Variants in CNTN5 observed in about 807,000 individuals in gnomAD.
The protein encoded by CNTN5 is contactin 5.
CNTN5 carries 77 observed loss-of-function variants against 129.1 expected under a neutral mutation model. The ratio of observed to expected loss-of-function variants is 0.60; its 90% CI spans 0.50 to 0.72. CNTN5 has a LOEUF of 0.72. Among genes scored for constraint, CNTN5 ranks in the 30% least tolerant of loss-of-function variants. The pLI is 0.00. For missense variants in CNTN5, 1,478 were observed against 1,328.8 expected (o/e 1.11, Z -1.75); for synonymous variants, 509 against 465.6 (o/e 1.09, Z -1.20).
rs190422203 is a variant in CNTN5 at position 99,880,420 on chromosome 11, T to A, written c.577+35158T>A. On this transcript the variant is annotated intron_variant, in intron 6 of 24. Transcript: ENST00000524871. ...ACAAATATGAAAGAGAATAACTGTT[T>A]CTACTCCATTCATTTTTTTTCACTC... 4.6e-3 allele frequency among the ~76,000 whole-genome samples: 696 copies of A among 152,284 alleles called. 2 individuals carry two copies. The highest frequency in any genetic ancestry group is 5.4e-3 in the Admixed American group (83 of 15,298).
intron 1 of CNTN5, among the ~76,000 whole-genome samples, chr11:99,176,748 T>C (rs1857794067): frequency 6.6e-6 from 1 of 152,196 alleles, no homozygotes; most frequent in African/African-American, 2.4e-5. Context: ...CTTCTCTGTA[T>C]CTTTGCAATA....
intron 1 of CNTN5, among the ~76,000 whole-genome samples, chr11:99,303,811 C>T (rs1864750379): frequency 1.3e-5 from 2 of 152,100 alleles, no homozygotes; most frequent in Non-Finnish European, 2.9e-5. Flanking sequence ...ACAGGGCTGT[C>T]AGTACTTATG....
chr11:100,104,582 T>C (rs1425331855), intron 13 of CNTN5, among the ~76,000 whole-genome samples: 1 of 152,126 alleles, frequency 6.6e-6, no homozygotes, highest in Non-Finnish European at 1.5e-5. Context: ...TAATAAAATA[T>C]TAACAAAAGT....
chr11:99,319,921 T>C (rs549127699), intron 1 of CNTN5, among the ~76,000 whole-genome samples: 2 of 152,136 alleles, frequency 1.3e-5, no homozygotes, highest in South Asian at 2.1e-4. Flanking sequence ...ATAAACATGA[T>C]TTGATAAATA....
At chr11:99,792,369 T>G (rs977184987) in intron 3 of CNTN5, among the ~76,000 whole-genome samples, 2 of 152,182 alleles carry the variant, frequency 1.3e-5, no homozygotes, top group African/African-American at 4.8e-5. Context: ...TTTTTGTTTT[T>G]AGTTCCTTTT....
chr11:99,601,269 A>C (rs1317202678), intron 3 of CNTN5, among the ~76,000 whole-genome samples: 1 of 152,142 alleles, frequency 6.6e-6, no homozygotes, highest in Non-Finnish European at 1.5e-5. Flanking sequence ...TAACCTCAAA[A>C]AATATAGTCC....
chr11:99,752,741 A>T (rs1378024378), intron 3 of CNTN5, among the ~76,000 whole-genome samples: 1 of 152,168 alleles, frequency 6.6e-6, no homozygotes, highest in Admixed American at 6.5e-5. Flanking sequence ...ATGGTATTAT[A>T]AAACAATTGC....
At position 100,193,627 on chromosome 11, in the gene CNTN5, C is replaced by T. The variant is rs778265126; in HGVS notation, c.1848C>T (p.Phe616=). ...YWTLKGQPID[F]EEEGGHFESI... is the part of the protein sequence containing the mutation. ...CTCTGAAAGGACAGCCTATTGATTTCGAGGAAGAGGGTGGACATTTTGAAA... is the reference window on the plus strand; with the variant it reads ...CTCTGAAAGGACAGCCTATTGATTTTGAGGAAGAGGGTGGACATTTTGAAA... Residue 616 remains phenylalanine (F), a synonymous_variant, in exon 15 of 25, where the codon TTC becomes TTT. Transcript: ENST00000524871. The T allele has an allele frequency of 5.1e-5, 82 of 1,611,500 alleles. No individual in the cohort carries two copies. The East Asian group carries it at 9.8e-4, about 19-fold the overall frequency.
At chr11:99,620,971 T>C (rs1950930439) in intron 3 of CNTN5, among the ~76,000 whole-genome samples, 1 of 124,818 alleles carries the variant, frequency 8.0e-6, no homozygotes, top group Non-Finnish European at 1.8e-5. Context: ...TGGATACTTG[T>C]ATGCCTATTT....
At chr11:100,204,226 C>T (rs1009019164) in intron 15 of CNTN5, among the ~76,000 whole-genome samples, 5 of 136,748 alleles carry the variant, frequency 3.7e-5, no homozygotes, top group African/African-American at 1.3e-4. Context: ...TTAAAGGAAT[C>T]AGTAGACATA....
At chr11:100,021,598 A>C (rs1168144313) in intron 9 of CNTN5, among the ~76,000 whole-genome samples, 1 of 152,208 alleles carries the variant, frequency 6.6e-6, no homozygotes, top group Non-Finnish European at 1.5e-5. Flanking sequence ...TTGCTCTAAA[A>C]TCAACTTTGT....
intron 13 of CNTN5, among the ~76,000 whole-genome samples, chr11:100,129,924 TA>T (rs201574871): frequency 2.5e-4 from 38 of 151,930 alleles, no homozygotes; most frequent in Non-Finnish European, 4.7e-4. Flanking sequence ...TTAGTCGTGG[TA>T]AAAAAAATCA....
intron 15 of CNTN5, among the ~76,000 whole-genome samples, chr11:100,201,235 A>AT (rs1948770886): frequency 1.3e-5 from 2 of 151,950 alleles, no homozygotes; most frequent in Admixed American, 1.3e-4. Context: ...CAAACTTCTC[A>AT]TGCAAATTTC....
intron 13 of CNTN5, among the ~76,000 whole-genome samples, chr11:100,156,129 T>A (rs1947233327): frequency 6.6e-6 from 1 of 152,184 alleles, no homozygotes. Context: ...AGTATGATAC[T>A]GGCTATGGGT....
intron 2 of CNTN5, among the ~76,000 whole-genome samples, chr11:99,412,482 C>T (rs1942442362): frequency 6.6e-6 from 1 of 152,102 alleles, no homozygotes; most frequent in African/African-American, 2.4e-5. Flanking sequence ...TCAATTTCAC[C>T]ATCTCATTGC....
At chr11:99,931,667 G>A (rs1950195780) in intron 7 of CNTN5, among the ~76,000 whole-genome samples, 3 of 152,178 alleles carry the variant, frequency 2.0e-5, no homozygotes, top group African/African-American at 7.2e-5. Flanking sequence ...GGAATAACTA[G>A]TGTTTCCATG....
chr11:100,294,776 G>A (rs112793974), intron 18 of CNTN5, among the ~76,000 whole-genome samples: 2,602 of 151,642 alleles, frequency 0.017, 72 homozygotes, highest in African/African-American at 0.056. Flanking sequence ...TAAGCGCTCC[G>A]AAAGATTAAG....
chr11:99,373,268 A>C (rs1468102048), intron 2 of CNTN5, among the ~76,000 whole-genome samples: 1 of 152,214 alleles, frequency 6.6e-6, no homozygotes, highest in Non-Finnish European at 1.5e-5. Flanking sequence ...AATAGAGTAC[A>C]AAACTGGATG....
At chr11:99,165,194 A>G (rs867109051) in intron 1 of CNTN5, among the ~76,000 whole-genome samples, 98 of 152,318 alleles carry the variant, frequency 6.4e-4, no homozygotes, top group African/African-American at 2.3e-3. Context: ...TGATTGTTTC[A>G]CATGTTGTTA....
Sources: allele counts gnomAD v4.1 joint callset (sites outside exome capture counted in the v4.1 genomes callset), GRCh38; gene constraint gnomAD v4.1.1; transcripts MANE v1.5; gene names NCBI Gene and HGNC (gene_info 2026-07-23, HGNC 2026-07-21).